Variants in EDIL3 observed in about 807,000 individuals in gnomAD.
EDIL3 encodes EGF-like repeat and discoidin I-like domain-containing protein 3.
Under a neutral mutation model 67.4 loss-of-function variants are expected in EDIL3, and 37 were observed. The ratio of observed to expected loss-of-function variants is 0.55; its 90% CI spans 0.42 to 0.72. The LOEUF (loss-of-function observed/expected upper bound fraction) is 0.72. Ranked by LOEUF, EDIL3 falls within the 30% of genes least tolerant of loss-of-function variation. EDIL3 has a pLI of 0.00. For missense variants in EDIL3, 527 were observed against 586.3 expected (o/e 0.90, Z 1.04); for synonymous variants, 195 against 196.3 (o/e 0.99, Z 0.05).
chr5:84,151,178 A>C (rs1748381812), intron 4 of EDIL3, among the ~76,000 whole-genome samples: 1 of 151,790 alleles, frequency 6.6e-6, no homozygotes, highest in Non-Finnish European at 1.5e-5. Context: ...CGCTAATTAT[A>C]CTCCAATAAA....
In EDIL3 at chr5:84,329,733, T is replaced by C. The variant is rs1415119747; in HGVS notation, c.67+54575A>G. ...CCACTTACCACTTTTATTACAATAATGATAAAGATAATTCTTAAAATAATA... is the reference window on the plus strand; with the variant it reads ...CCACTTACCACTTTTATTACAATAACGATAAAGATAATTCTTAAAATAATA... On this transcript the variant is annotated intron_variant, in intron 1 of 10. Transcript: ENST00000296591. Among the ~76,000 whole-genome samples, 5 of 152,066 alleles carry C rather than the reference T, an allele frequency of 3.3e-5. No homozygotes were observed. In the East Asian group the frequency reaches 9.6e-4, roughly 29 times the overall value.
In EDIL3 at chr5:84,384,291, G is replaced by C. The variant is rs769629369; in HGVS notation, c.67+17C>G. 6.2e-7 allele frequency: 1 copy of C among 1,605,494 alleles called. No individual in the cohort carries two copies. The highest frequency in any genetic ancestry group is 8.5e-7 in the Non-Finnish European group (1 of 1,175,898). On this transcript the variant is annotated intron_variant, in intron 1 of 10. Transcript: ENST00000296591. ...CAGCCCATCCCTCACCCAGCTGTCC[G>C]GGTCCCGACGCCTTACCTTTGCCGA...
chr5:84,304,540 G>GA, intron 1 of EDIL3, among the ~76,000 whole-genome samples: 1 of 152,224 alleles, frequency 6.6e-6, no homozygotes, highest in African/African-American at 2.4e-5. Context: ...GAATTCTAGA[G>GA]AAAAAAGTTC....
intron 9 of EDIL3, among the ~76,000 whole-genome samples, chr5:84,007,941 T>C (rs762466357): frequency 2.6e-5 from 4 of 152,174 alleles, no homozygotes; most frequent in Non-Finnish European, 5.9e-5. Flanking sequence ...TGGAGTACCA[T>C]TCAGCCATAA....
At chr5:83,970,256 T>TTATATGTATA (rs1554061316) in intron 9 of EDIL3, among the ~76,000 whole-genome samples, 6 of 128,534 alleles carry the variant, frequency 4.7e-5, no homozygotes, top group African/African-American at 1.3e-4. Context: ...GTGTCACTAA[T>TTATATGTATA]TATATATATA....
At chr5:83,976,185 T>C (rs1314202921) in intron 9 of EDIL3, among the ~76,000 whole-genome samples, 2 of 151,880 alleles carry the variant, frequency 1.3e-5, no homozygotes, top group Non-Finnish European at 2.9e-5. Context: ...GATGCATTGC[T>C]TCCAACTCTT....
chr5:84,081,869 TGATGG>T lies in EDIL3; in HGVS notation c.652-15268_652-15264del, dbSNP rs1157950145. 8.1e-5 allele frequency among the ~76,000 whole-genome samples: 6 copies of T among 74,534 alleles called. No individual in the cohort carries two copies. The East Asian group carries it at 2.0e-3, about 25-fold the overall frequency. The allele number at this position is 74,534 out of a possible 152,430, so 48.9% of individuals were successfully genotyped here. ...TTACTTCTAAGAGCTGACCCAGGCA[TGATGG>T]ACAAGAATCTCACCACAGGGTCCAT... is the stretch of plus-strand genomic sequence containing the variant. On this transcript the variant is annotated intron_variant, in intron 6 of 10. Coordinates refer to ENST00000296591, the MANE Select transcript of EDIL3 (RefSeq NM_005711.5).
intron 9 of EDIL3, among the ~76,000 whole-genome samples, chr5:84,012,879 T>C (rs1745540491): frequency 6.6e-6 from 1 of 152,040 alleles, no homozygotes; most frequent in African/African-American, 2.4e-5. Flanking sequence ...ACAAATAGCT[T>C]TCACTTTAGA....
chr5:83,963,133 T>G, intron 10 of EDIL3, 72 bp downstream of exon 10: 2 of 1,497,960 alleles, frequency 1.3e-6, no homozygotes, highest in Non-Finnish European at 1.8e-6. Flanking sequence ...GTATAAGCAG[T>G]TAATTCAATC....
chr5:84,049,305 C>T (rs1192501867), intron 9 of EDIL3, among the ~76,000 whole-genome samples: 1 of 152,086 alleles, frequency 6.6e-6, no homozygotes, highest in East Asian at 1.9e-4. Flanking sequence ...CAAATCTTCA[C>T]TTTTGATTAA....
rs552461383 is a variant in EDIL3, at chr5:84,035,422, C to T, written c.1137+24878G>A. ...GTGGATTAAGCAATAAAACCAGTTA[C>T]AGTTTTAAAAATAATGGTGATCCCT... On this transcript the variant is annotated intron_variant, in intron 9 of 10. Coordinates refer to ENST00000296591, the MANE Select transcript of EDIL3 (RefSeq NM_005711.5). Among the ~76,000 whole-genome samples the T allele has an allele frequency of 4.6e-5, 7 of 152,126 alleles. No homozygotes were observed. The South Asian group carries it at 1.5e-3, about 32-fold the overall frequency.
Position 84,380,277 on chromosome 5 carries a change from G to A in EDIL3, c.67+4031C>T, listed in dbSNP as rs114887567. Among the ~76,000 whole-genome samples, 733 of 151,654 alleles carry A rather than the reference G, an allele frequency of 4.8e-3. 6 individuals carry two copies. The highest frequency in any genetic ancestry group is 0.017 in the African/African-American group (692 of 41,500). ...AGAACATCTAAGGAAGATGCTAAGC[G>A]TCTTCCTTAAAACACAGAGAAGAAC... On this transcript the variant is annotated intron_variant, in intron 1 of 10. Coordinates refer to ENST00000296591, the MANE Select transcript of EDIL3 (RefSeq NM_005711.5).
intron 1 of EDIL3, among the ~76,000 whole-genome samples, chr5:84,377,295 G>C (rs956302863): frequency 4.8e-5 from 7 of 145,550 alleles, no homozygotes; most frequent in Non-Finnish European, 8.9e-5. Flanking sequence ...CCTGGGTAGC[G>C]AGACTCCGTC....
chr5:83,991,495 T>C (rs1013370265), intron 9 of EDIL3, among the ~76,000 whole-genome samples: 3 of 152,188 alleles, frequency 2.0e-5, no homozygotes, highest in African/African-American at 7.2e-5. Flanking sequence ...TTTCTCACTT[T>C]TATTCAATTC....
intron 1 of EDIL3, among the ~76,000 whole-genome samples, chr5:84,312,640 G>A (rs186440434): frequency 0.018 from 2,718 of 150,772 alleles, 69 homozygotes; most frequent in African/African-American, 0.062. Flanking sequence ...CGGACGGGGC[G>A]GCTGGCCGGG....
chr5:84,066,890 G>A (rs1746653151), intron 6 of EDIL3, among the ~76,000 whole-genome samples: 1 of 152,150 alleles, frequency 6.6e-6, no homozygotes, highest in African/African-American at 2.4e-5. Context: ...GCGTTCTCAC[G>A]ATATGCAGAT....
intron 1 of EDIL3, among the ~76,000 whole-genome samples, chr5:84,303,608 A>G (rs1257268457): frequency 1.3e-5 from 2 of 152,216 alleles, no homozygotes; most frequent in East Asian, 3.8e-4. Context: ...GTGGGCATAT[A>G]GAAAACAGTC....
intron 9 of EDIL3, among the ~76,000 whole-genome samples, chr5:84,057,770 A>AT (rs3831890): frequency 6.6e-6 from 1 of 152,002 alleles, no homozygotes; most frequent in Non-Finnish European, 1.5e-5. Context: ...AACTTGAATT[A>AT]TTTTTTGAAT....
intron 3 of EDIL3, among the ~76,000 whole-genome samples, chr5:84,209,683 A>C (rs1049371500): frequency 2.6e-5 from 4 of 152,208 alleles, no homozygotes; most frequent in Admixed American, 1.3e-4. Context: ...GGTGAACAGT[A>C]AGGCTATTCT....
Sources: gnomAD v4.1 joint callset for allele counts (sites outside exome capture counted in the v4.1 genomes callset) on GRCh38, gnomAD v4.1.1 for gene constraint, MANE v1.5 for transcripts, NCBI Gene and HGNC (gene_info 2026-07-23, HGNC 2026-07-21) for gene names.